Variants in WDR7 observed in about 807,000 individuals in gnomAD.
The protein encoded by WDR7 is WD repeat domain 7.
WDR7 carries 46 observed loss-of-function variants against 169.4 expected under a neutral mutation model. The ratio of observed to expected loss-of-function variants is 0.27; its 90% CI spans 0.21 to 0.35. WDR7 has a LOEUF of 0.35. WDR7 is among the 10% of genes least tolerant of loss of function. The probability of loss-of-function intolerance (pLI) is 1.00; values close to 1 mark genes in which losing one functional copy is unlikely to be tolerated. For missense variants in WDR7, 1,534 were observed against 1,859.3 expected, an observed-to-expected ratio of 0.83 and a Z score of 3.22; for synonymous variants, 612 against 666.8, an observed-to-expected ratio of 0.92 and a Z score of 1.27.
chr18:56,654,957 A>G (rs568126774), intron 1 of WDR7, among the ~76,000 whole-genome samples: 1 of 152,158 alleles, frequency 6.6e-6, no homozygotes, highest in Non-Finnish European at 1.5e-5. Flanking sequence ...AAGTGCTCAT[A>G]TATACTCTGA....
chr18:56,926,750 A>C (rs1466794454), intron 22 of WDR7, among the ~76,000 whole-genome samples: 1 of 152,202 alleles, frequency 6.6e-6, no homozygotes, highest in Non-Finnish European at 1.5e-5. Flanking sequence ...GTCCAATGTA[A>C]TTTTCATCAT....
chr18:56,692,968 A>C (rs2144626512), intron 9 of WDR7, among the ~76,000 whole-genome samples: 1 of 152,184 alleles, frequency 6.6e-6, no homozygotes, highest in East Asian at 1.9e-4. Context: ...TGGGAGGCTG[A>C]AGTGGGAAGA....
intron 20 of WDR7, among the ~76,000 whole-genome samples, chr18:56,829,538 C>G (rs1009828022): frequency 1.3e-5 from 2 of 152,044 alleles, no homozygotes; most frequent in Non-Finnish European, 1.5e-5. Flanking sequence ...AATCTACTCC[C>G]TTGTATAACA....
chr18:56,770,027 A>G (rs575399495), intron 16 of WDR7, among the ~76,000 whole-genome samples: 43 of 152,200 alleles, frequency 2.8e-4, no homozygotes, highest in African/African-American at 9.6e-4. Context: ...TGCTTGGAAC[A>G]GTGGCTGATA....
At chr18:56,923,705 A>C (rs576729580) in intron 21 of WDR7, among the ~76,000 whole-genome samples, 1 of 152,358 alleles carries the variant, frequency 6.6e-6, no homozygotes, top group African/African-American at 2.4e-5. Flanking sequence ...TAATTAAAAC[A>C]CTTTAGAATA....
At chr18:57,008,376 C>G (rs763381017) in intron 26 of WDR7, among the ~76,000 whole-genome samples, 7 of 152,216 alleles carry the variant, frequency 4.6e-5, no homozygotes, top group African/African-American at 1.4e-4. Context: ...AGAAAACTCT[C>G]TATTGACTAT....
At chr18:56,750,153 A>G (rs866809316) in intron 14 of WDR7, among the ~76,000 whole-genome samples, 6 of 152,116 alleles carry the variant, frequency 3.9e-5, no homozygotes, top group Admixed American at 3.9e-4. Context: ...TTAACCTGTA[A>G]TTGTCACAGG....
chr18:56,848,832 C>T (rs1046011074), intron 20 of WDR7, among the ~76,000 whole-genome samples: 1 of 152,142 alleles, frequency 6.6e-6, no homozygotes, highest in African/African-American at 2.4e-5. Flanking sequence ...CCCCAAAAGC[C>T]AAGAAGATGC....
chr18:56,833,764 A>G (rs936853019), intron 20 of WDR7, among the ~76,000 whole-genome samples: 1 of 152,226 alleles, frequency 6.6e-6, no homozygotes, highest in Non-Finnish European at 1.5e-5. Context: ...TTCTAGACCA[A>G]TCTTTCCCGT....
chr18:56,997,578 T>C (rs565516041), intron 26 of WDR7, among the ~76,000 whole-genome samples: 127 of 152,310 alleles, frequency 8.3e-4, no homozygotes, highest in Non-Finnish European at 1.5e-3. Flanking sequence ...TAGGGAAAAG[T>C]TGTTTATTTA....
chr18:56,939,159 A>G (rs1013178823), intron 24 of WDR7, 152 bp from the exon 25 acceptor site: 1 of 508,028 alleles, frequency 2.0e-6, no homozygotes, highest in Admixed American at 3.9e-5. Context: ...ACTGTAGTAT[A>G]CACATGGCTT....
chr18:56,924,658 G>A (rs1228586977), intron 22 of WDR7, among the ~76,000 whole-genome samples: 1 of 152,206 alleles, frequency 6.6e-6, no homozygotes, highest in Non-Finnish European at 1.5e-5. Context: ...GGAAACACAC[G>A]TGGTGACCAA....
At chr18:57,011,801 T>C (rs1039460348) in intron 26 of WDR7, among the ~76,000 whole-genome samples, 2 of 145,708 alleles carry the variant, frequency 1.4e-5, no homozygotes, top group African/African-American at 4.8e-5. Flanking sequence ...GCTGAGTTCT[T>C]TTCAATACTA....
At chr18:56,694,477 T>C (rs991949559) in intron 9 of WDR7, 142 bp from the exon 10 acceptor site, 7 of 684,456 alleles carry the variant, frequency 1.0e-5, no homozygotes, top group Admixed American at 3.2e-5. Flanking sequence ...CATTAAAATA[T>C]TGTTGAATAA....
At chr18:56,742,477 A>G (rs1179353503) in intron 14 of WDR7, among the ~76,000 whole-genome samples, 1 of 152,240 alleles carries the variant, frequency 6.6e-6, no homozygotes, top group Non-Finnish European at 1.5e-5. Flanking sequence ...ATGAGATCAT[A>G]TAGAAGTTTT....
At chr18:56,684,650 T>G (rs1256584177) in intron 5 of WDR7, among the ~76,000 whole-genome samples, 1 of 152,144 alleles carries the variant, frequency 6.6e-6, no homozygotes, top group Admixed American at 6.6e-5. Flanking sequence ...TGCACTAAAG[T>G]GGACTGTCGG....
rs527306619 is a variant in WDR7, at chr18:56,931,692, A to G, written c.3714-4096A>G. Among the ~76,000 whole-genome samples the G allele has an allele frequency of 2.6e-5, 4 of 152,302 alleles. No homozygotes were observed. In the South Asian group the frequency reaches 8.3e-4, roughly 32 times the overall value. ...GAATAAATGGGGTTTGCTGTTGATT[A>G]TTTTTGTTTCACTAGAAGTCAATGA... On this transcript the variant is annotated intron_variant, in intron 22 of 27. Coordinates refer to ENST00000254442, the MANE Select transcript of WDR7 (RefSeq NM_015285.3).
At chr18:56,952,499 C>G (rs187422834) in intron 25 of WDR7, among the ~76,000 whole-genome samples, 23 of 152,310 alleles carry the variant, frequency 1.5e-4, no homozygotes, top group Non-Finnish European at 2.4e-4. Context: ...TTCTTTGATG[C>G]CTTCCTAAAA....
intron 19 of WDR7, among the ~76,000 whole-genome samples, chr18:56,786,700 T>C (rs982542220): frequency 1.3e-5 from 2 of 151,960 alleles, no homozygotes; most frequent in Non-Finnish European, 2.9e-5. Flanking sequence ...TTCTGATAGA[T>C]AAATTGAGGA....
Sources: allele counts gnomAD v4.1 joint callset (sites outside exome capture counted in the v4.1 genomes callset), GRCh38; gene constraint gnomAD v4.1.1; transcripts MANE v1.5; gene names NCBI Gene and HGNC (gene_info 2026-07-23, HGNC 2026-07-21).